Variants in PRKCB observed in about 807,000 individuals in gnomAD.
PRKCB encodes protein kinase C beta type.
PRKCB carries 13 observed loss-of-function variants against 81.5 expected under a neutral mutation model. The ratio of observed to expected loss-of-function variants is 0.16; its 90% CI spans 0.10 to 0.25. The LOEUF is 0.25. Ranked by LOEUF, PRKCB falls within the 10% of genes least tolerant of loss-of-function variation. The pLI, the probability that PRKCB is intolerant of heterozygous loss-of-function variation, is 1.00. For missense variants in PRKCB, 509 were observed against 875.7 expected (o/e 0.58, Z 5.29); for synonymous variants, 335 against 321.4 (o/e 1.04, Z -0.45).
intron 9 of PRKCB, among the ~76,000 whole-genome samples, chr16:24,128,911 A>G (rs796586817): frequency 9.9e-5 from 15 of 152,284 alleles, no homozygotes; most frequent in African/African-American, 3.4e-4. Flanking sequence ...TTGAACTTTG[A>G]ATGATTGCTG....
intron 12 of PRKCB, 124 bp downstream of exon 12, chr16:24,174,704 T>C (rs575504085): frequency 8.7e-6 from 8 of 915,822 alleles, no homozygotes; most frequent in Admixed American, 2.4e-5. Context: ...CAGAACTAAC[T>C]TGGGCATGTG....
chr16:23,918,707 C>T (rs1963780904), intron 2 of PRKCB, among the ~76,000 whole-genome samples: 1 of 152,132 alleles, frequency 6.6e-6, no homozygotes, highest in Non-Finnish European at 1.5e-5. Context: ...TTTTGTGTTA[C>T]TTTTGTAAGA....
At chr16:24,051,854 C>T (rs1965847233) in intron 5 of PRKCB, among the ~76,000 whole-genome samples, 1 of 152,074 alleles carries the variant, frequency 6.6e-6, no homozygotes, top group African/African-American at 2.4e-5. Flanking sequence ...CCTGTAATCC[C>T]AGCACTTTGG....
chr16:24,105,765 C>CTAT (rs1966569279), intron 7 of PRKCB, among the ~76,000 whole-genome samples: 1 of 152,138 alleles, frequency 6.6e-6, no homozygotes, highest in South Asian at 2.1e-4. Flanking sequence ...TTTTCTTTAT[C>CTAT]CAGTCTATCA....
chr16:23,961,002 C>T (rs1046516027), intron 2 of PRKCB, among the ~76,000 whole-genome samples: 2 of 152,170 alleles, frequency 1.3e-5, no homozygotes, highest in Non-Finnish European at 2.9e-5. Context: ...TAGAATTCTT[C>T]TACTTCTGAT....
rs1966882720 is a variant in PRKCB at position 24,139,841 on chromosome 16, T to TA, written c.1066-14842dup. ...CATCCGAGTTGATCTATACGCCGGA[T>TA]ATCACTGCTCTTCTTTTCATCTGGC... On this transcript the variant is annotated intron_variant, in intron 9 of 16. Coordinates refer to ENST00000643927, the MANE Select transcript of PRKCB (RefSeq NM_002738.7). Among the ~76,000 whole-genome samples, 2 of 152,244 alleles carry TA rather than the reference T, an allele frequency of 1.3e-5. 1 individual carries two copies. The highest frequency in any genetic ancestry group is 1.3e-4 in the Admixed American group (2 of 15,292).
intron 2 of PRKCB, among the ~76,000 whole-genome samples, chr16:23,868,329 A>C (rs1287165961): frequency 6.6e-6 from 1 of 152,254 alleles, no homozygotes. Flanking sequence ...CAGCTGGCAT[A>C]AGCAAGGACT....
chr16:23,911,826 ATTT>A (rs58458568), intron 2 of PRKCB, among the ~76,000 whole-genome samples: 622 of 57,398 alleles, frequency 0.011, 6 homozygotes, highest in African/African-American at 0.036. Context: ...CGCGACCCAC[ATTT>A]TTTTTTTTTT....
intron 9 of PRKCB, among the ~76,000 whole-genome samples, chr16:24,149,839 T>C (rs1302588560): frequency 6.6e-6 from 1 of 152,216 alleles, no homozygotes. Context: ...ATCTCTAAGA[T>C]ACATAATCCA....
At chr16:23,895,543 T>A (rs1963365392) in intron 2 of PRKCB, among the ~76,000 whole-genome samples, 1 of 152,182 alleles carries the variant, frequency 6.6e-6, no homozygotes, top group Non-Finnish European at 1.5e-5. Flanking sequence ...TTCAACACCT[T>A]TGTATTTTTT....
chr16:24,118,623 C>T (rs1966762552), intron 8 of PRKCB, among the ~76,000 whole-genome samples: 1 of 152,136 alleles, frequency 6.6e-6, no homozygotes, highest in Non-Finnish European at 1.5e-5. Context: ...CTCCACTGTC[C>T]CCTCGTGCTG....
intron 7 of PRKCB, among the ~76,000 whole-genome samples, chr16:24,094,585 G>T (rs1176226916): frequency 1.3e-5 from 2 of 152,118 alleles, no homozygotes; most frequent in African/African-American, 2.4e-5. Context: ...GGGCAACATG[G>T]TGAAACCCCA....
At chr16:24,171,801 A>G (rs990749778) in intron 10 of PRKCB, among the ~76,000 whole-genome samples, 1 of 152,124 alleles carries the variant, frequency 6.6e-6, no homozygotes, top group African/African-American at 2.4e-5. Flanking sequence ...TGGCATGATC[A>G]TGGCTCACTG....
intron 2 of PRKCB, among the ~76,000 whole-genome samples, chr16:23,874,077 C>T (rs1295087816): frequency 6.6e-6 from 1 of 152,130 alleles, no homozygotes; most frequent in African/African-American, 2.4e-5. Flanking sequence ...AAAATACACA[C>T]CTACACCCAC....
intron 2 of PRKCB, among the ~76,000 whole-genome samples, chr16:23,925,503 G>T (rs765459379): frequency 6.6e-6 from 1 of 152,042 alleles, no homozygotes; most frequent in African/African-American, 2.4e-5. Context: ...ATTTCTAGGG[G>T]ACTGGGGATC....
At chr16:24,015,048 G>A (rs1336660995) in intron 3 of PRKCB, among the ~76,000 whole-genome samples, 3 of 152,114 alleles carry the variant, frequency 2.0e-5, no homozygotes, top group Non-Finnish European at 4.4e-5. Context: ...TGATCCGCCC[G>A]CCTTGGCCTC....
Position 24,219,304 on chromosome 16 carries a change from C to T in PRKCB, c.*4488C>T, listed in dbSNP as rs981319214. 4.8e-5 allele frequency: 47 copies of T among 978,536 alleles called. No individual in the cohort carries two copies. The highest frequency in any genetic ancestry group is 5.7e-5 in the Non-Finnish European group (47 of 828,704). 60.6% of individuals were successfully genotyped at this position (978,536 alleles called of 1,614,324 possible). On this transcript the variant is annotated 3_prime_UTR_variant, in exon 17 of 17. Transcript: ENST00000643927. ...CTCCCCTTACACACCCTCCTTTAAG[C>T]TTTGGGTTTTCTCTCTTATAGTTTG...
chr16:23,868,915 G>A (rs982741444), intron 2 of PRKCB, among the ~76,000 whole-genome samples: 1 of 152,178 alleles, frequency 6.6e-6, no homozygotes, highest in African/African-American at 2.4e-5. Context: ...TTCCCTGAAT[G>A]AATCTCAGAA....
chr16:23,925,341 C>T (rs1963881374), intron 2 of PRKCB, among the ~76,000 whole-genome samples: 1 of 152,112 alleles, frequency 6.6e-6, no homozygotes, highest in African/African-American at 2.4e-5. Flanking sequence ...TTCTGCAGGA[C>T]TTGCCCATTG....
Sources: gnomAD v4.1 joint callset for allele counts (sites outside exome capture counted in the v4.1 genomes callset) on GRCh38, gnomAD v4.1.1 for gene constraint, MANE v1.5 for transcripts, NCBI Gene and HGNC (gene_info 2026-07-23, HGNC 2026-07-21) for gene names.